MAP7D2: variants seen among roughly 807,000 people sequenced by gnomAD.
The protein encoded by MAP7D2 is MAP7 domain-containing protein 2.
Under a neutral mutation model 63.5 loss-of-function variants are expected in MAP7D2, and 33 were observed. The observed-to-expected ratio is 0.52, with a 90% CI of 0.39 to 0.70. MAP7D2 has a LOEUF of 0.70. MAP7D2 is among the 30% of genes least tolerant of loss of function. The pLI is 0.00. For synonymous variants in MAP7D2, 224 were observed against 223.7 expected (o/e 1.00, Z -0.01); for missense variants, 626 against 604.0 (o/e 1.04, Z -0.38).
At chrX:20,015,013 C>T (rs7054427) in intron 12 of MAP7D2, among the ~76,000 whole-genome samples, 1 of 110,744 alleles carries the variant, frequency 9.0e-6, no homozygotes, top group South Asian at 3.8e-4. Context: ...CACCATGCCT[C>T]GCTACAGATG....
chrX:20,096,081 CAAAAA>C (rs1208579984), intron 1 of MAP7D2, among the ~76,000 whole-genome samples: 1 of 14,902 alleles, frequency 6.7e-5, no homozygotes, highest in African/African-American at 2.6e-4. Flanking sequence ...GACTCTTCCT[CAAAAA>C]AAAAAAAAAA....
rs766144085 is a variant in MAP7D2 at position 20,102,886 on chromosome X, C to A, written c.130+13864G>T. 3.0e-4 allele frequency among the ~76,000 whole-genome samples: 33 copies of A among 111,134 alleles called. 1 individual carries two copies. Among genetic ancestry groups the A allele is most frequent in the Middle Eastern group, 4.6e-3 (1 of 218 alleles). ...CTAGGCCAGCTGTGGAGGATCACAG[C>A]ATCACAGAGTTGGAACGCACCAGTA... On this transcript the variant is annotated intron_variant, in intron 1 of 16. Coordinates refer to ENST00000379643, the MANE Select transcript of MAP7D2 (RefSeq NM_001168465.2).
chrX:20,050,950 A>G lies in MAP7D2; in HGVS notation c.596-4T>C. 8.8e-7 allele frequency: 1 copy of G among 1,133,098 alleles called. No individual in the cohort carries two copies. Among genetic ancestry groups the G allele is most frequent in the South Asian group, 2.1e-5 (1 of 47,477 alleles). 93.4% of individuals were successfully genotyped at this position (1,133,098 alleles called of 1,213,427 possible). A position where few individuals can be genotyped will look rare whatever the true frequency, so the allele number is the denominator to read the frequency against. ...GGACTAAGGTGCATGTGATGAGCTG[A>G]GGGATGGAATCAAATGAAAATTTTA... On this transcript the variant is annotated splice_polypyrimidine_tract_variant and splice_region_variant and intron_variant, in intron 5 of 16. Coordinates refer to ENST00000379643, the MANE Select transcript of MAP7D2 (RefSeq NM_001168465.2).
intron 1 of MAP7D2, among the ~76,000 whole-genome samples, chrX:20,085,757 G>A (rs781583999): frequency 8.9e-6 from 1 of 112,200 alleles, no homozygotes; most frequent in African/African-American, 3.2e-5. Flanking sequence ...TGCTGCCCAG[G>A]ATGGAGTGCA....
intron 1 of MAP7D2, among the ~76,000 whole-genome samples, chrX:20,087,876 T>G (rs2065949496): frequency 1.1e-5 from 1 of 94,220 alleles, no homozygotes. Flanking sequence ...ACTAATTTCT[T>G]TTCTTTTTTT....
At chrX:20,089,176 A>AT (rs775990468) in intron 1 of MAP7D2, among the ~76,000 whole-genome samples, 18 of 111,878 alleles carry the variant, frequency 1.6e-4, no homozygotes, top group Non-Finnish European at 2.8e-4. Flanking sequence ...ATCACGGGTC[A>AT]TTTTTTGCAT....
At chrX:20,020,340 A>G (rs2073591927) in intron 10 of MAP7D2, among the ~76,000 whole-genome samples, 1 of 110,868 alleles carries the variant, frequency 9.0e-6, no homozygotes, top group East Asian at 2.8e-4. Context: ...AACCCTCCTC[A>G]GTCCTCTCTC....
At chrX:20,050,055 C>T (rs1198453545) in intron 6 of MAP7D2, among the ~76,000 whole-genome samples, 7 of 112,338 alleles carry the variant, frequency 6.2e-5, no homozygotes, top group African/African-American at 1.9e-4. Flanking sequence ...TGTATCATCA[C>T]AACTGAGTAC....
At chrX:20,111,451 G>A (rs766973141) in intron 1 of MAP7D2, among the ~76,000 whole-genome samples, 1 of 111,969 alleles carries the variant, frequency 8.9e-6, no homozygotes, top group Non-Finnish European at 1.9e-5. Flanking sequence ...GACAGAGTAT[G>A]CAGAATATTG....
intron 1 of MAP7D2, among the ~76,000 whole-genome samples, chrX:20,116,230 G>C (rs959270397): frequency 8.8e-6 from 1 of 113,219 alleles, no homozygotes; most frequent in African/African-American, 3.2e-5. Flanking sequence ...TGGCCGCCCG[G>C]GCGAATCTGC....
chrX:20,081,716 G>A (rs757369194), intron 1 of MAP7D2, among the ~76,000 whole-genome samples: 3 of 108,090 alleles, frequency 2.8e-5, no homozygotes, highest in Non-Finnish European at 5.7e-5. Context: ...GCAGTGGCAC[G>A]ATCCTAGCTC....
At chrX:20,026,667 A>G (rs958859300) in intron 8 of MAP7D2, among the ~76,000 whole-genome samples, 10 of 111,728 alleles carry the variant, frequency 9.0e-5, no homozygotes, top group African/African-American at 3.3e-4. Context: ...GGCAGATGCA[A>G]AAGGTGAGGA....
chrX:20,076,565 G>T (rs1369781198), intron 1 of MAP7D2, among the ~76,000 whole-genome samples: 1 of 110,251 alleles, frequency 9.1e-6, no homozygotes, highest in Non-Finnish European at 1.9e-5. Context: ...AATTAGGCGT[G>T]GTGGCGTGCA....
At chrX:20,064,999 C>G (rs368123338) in intron 1 of MAP7D2, among the ~76,000 whole-genome samples, 194 bp from the exon 2 acceptor site, 20 of 112,068 alleles carry the variant, frequency 1.8e-4, no homozygotes, top group African/African-American at 5.8e-4. Flanking sequence ...CTACCACTTT[C>G]GCATGCACCT....
intron 1 of MAP7D2, among the ~76,000 whole-genome samples, chrX:20,070,015 C>G (rs1231176525): frequency 2.7e-5 from 3 of 111,355 alleles, no homozygotes; most frequent in South Asian, 7.5e-4. Context: ...GTGGTGCGAT[C>G]TTGGCTCACT....
At chrX:20,110,438 A>G (rs1459758589) in intron 1 of MAP7D2, among the ~76,000 whole-genome samples, 1 of 110,674 alleles carries the variant, frequency 9.0e-6, no homozygotes, top group African/African-American at 3.3e-5. Flanking sequence ...CAGAGAGCAG[A>G]GATCGCACCA....
chrX:20,016,609 C>T lies in MAP7D2; in HGVS notation c.1413-284G>A, dbSNP rs1237161058. ...GTATTGAAAACAGATGCTCCTCAGT[C>T]AATGAACAAATGACCACGGTGACAG... is the stretch of plus-strand genomic sequence containing the variant. On this transcript the variant is annotated intron_variant, in intron 10 of 16. Coordinates refer to ENST00000379643, the MANE Select transcript of MAP7D2 (RefSeq NM_001168465.2). Among the ~76,000 whole-genome samples, 3 of 112,417 alleles carry T rather than the reference C, an allele frequency of 2.7e-5. No individual in the cohort carries two copies. The Admixed American group carries it at 2.8e-4, about 11-fold the overall frequency.
rs763062233 is a variant in MAP7D2, at chrX:20,025,089, C to T, written c.1280-6G>A. Reference sequence around the variant, plus strand: ...TGCTGTGGGCTTCCCCAAGGCTGCACCAGAGGAGAGGCATCAAGAGGAAAA... The same window carrying T: ...TGCTGTGGGCTTCCCCAAGGCTGCATCAGAGGAGAGGCATCAAGAGGAAAA... On this transcript the variant is annotated splice_polypyrimidine_tract_variant and splice_region_variant and intron_variant, in intron 9 of 16. Coordinates refer to ENST00000379643, the MANE Select transcript of MAP7D2 (RefSeq NM_001168465.2). The T allele has an allele frequency of 2.5e-6, 3 of 1,197,589 alleles. No individual in the cohort carries two copies.
rs184209192 is a variant in MAP7D2, at chrX:20,089,457, G to A, written c.131-24652C>T. Among the ~76,000 whole-genome samples, 4 of 112,323 alleles carry A rather than the reference G, an allele frequency of 3.6e-5. No homozygotes were observed. In the East Asian group the frequency reaches 1.1e-3, roughly 31 times the overall value. On this transcript the variant is annotated intron_variant, in intron 1 of 16. Coordinates refer to ENST00000379643, the MANE Select transcript of MAP7D2 (RefSeq NM_001168465.2). Reference sequence around the variant, plus strand: ...TCTAAAGACCCTTCCAACAATGACAGTATTAAGTTTGTGTATTCTCAATAG... The same window carrying A: ...TCTAAAGACCCTTCCAACAATGACAATATTAAGTTTGTGTATTCTCAATAG...
Sources: gnomAD v4.1 joint callset for allele counts (sites outside exome capture counted in the v4.1 genomes callset) on GRCh38, gnomAD v4.1.1 for gene constraint, MANE v1.5 for transcripts, NCBI Gene and HGNC (gene_info 2026-07-23, HGNC 2026-07-21) for gene names.